The following ADGRE3 variants were observed in gnomAD, a reference collection of about 807,000 sequenced individuals.
ADGRE3 encodes the protein EGF-like module receptor 3.
ADGRE3 carries 88 observed loss-of-function variants against 80.1 expected under a neutral mutation model. The ratio of observed to expected loss-of-function variants is 1.10; its 90% CI spans 0.93 to 1.31. The LOEUF is 1.31. ADGRE3 is among the 40% of genes most tolerant of loss of function. ADGRE3 has a pLI of 0.00. For missense variants in ADGRE3, 715 were observed against 776.5 expected (o/e 0.92, Z 0.94); for synonymous variants, 281 against 294.8 (o/e 0.95, Z 0.48).
the ADGRE3 span, among the ~76,000 whole-genome samples, chr19:14,608,868 T>C: frequency 6.6e-6 from 1 of 151,568 alleles, no homozygotes; most frequent in Admixed American, 6.6e-5. Flanking sequence ...GGCACAATCT[T>C]GGCTCACTGC....
At chr19:14,661,167 C>T (rs529207553) in intron 4 of ADGRE3, among the ~76,000 whole-genome samples, 5 of 152,234 alleles carry the variant, frequency 3.3e-5, no homozygotes, top group Non-Finnish European at 5.9e-5. Context: ...GTCTTGAACT[C>T]CCGGTCTCGA....
intron 7 of ADGRE3, among the ~76,000 whole-genome samples, chr19:14,647,859 A>G (rs1390053028): frequency 6.6e-6 from 1 of 151,494 alleles, no homozygotes; most frequent in Non-Finnish European, 1.5e-5. Context: ...GGGGTGGTGG[A>G]TCACTTGAGG....
the ADGRE3 span, among the ~76,000 whole-genome samples, chr19:14,605,635 T>A: frequency 6.6e-6 from 1 of 152,212 alleles, no homozygotes; most frequent in Non-Finnish European, 1.5e-5. Context: ...ACCAGTCTAA[T>A]TTCTTTCACC....
At chr19:14,647,125 A>G (rs1599631139) in intron 8 of ADGRE3, 56 bp downstream of exon 8, 4 of 1,432,808 alleles carry the variant, frequency 2.8e-6, no homozygotes, top group East Asian at 4.5e-5. Flanking sequence ...TGATACACAC[A>G]TCGTTTGGCC....
chr19:14,620,568 ATTTT>A lies in ADGRE3; in HGVS notation c.1921-1101_1921-1098del, dbSNP rs1189295641. ...ATATATTATATATATATATATATATATTTTTTTTTTTTTTTTTTTTTTTTTTTTT... is the reference window on the plus strand; with the variant it reads ...ATATATTATATATATATATATATATATTTTTTTTTTTTTTTTTTTTTTTTT... On this transcript the variant is annotated intron_variant, in intron 15 of 15. Transcript: ENST00000253673. Among the ~76,000 whole-genome samples the A allele has an allele frequency of 5.3e-3, 59 of 11,052 alleles. 5 individuals are homozygous for A. The highest frequency in any genetic ancestry group is 0.011 in the South Asian group (3 of 268). The allele number at this position is 11,052 out of a possible 152,430, so 7.3% of individuals were successfully genotyped here.
the ADGRE3 span, among the ~76,000 whole-genome samples, chr19:14,606,569 A>G: frequency 2.0e-5 from 3 of 151,200 alleles, no homozygotes; most frequent in Non-Finnish European, 4.4e-5. Context: ...AATCCCAGCT[A>G]CTCGGGAGGT....
intron 3 of ADGRE3, among the ~76,000 whole-genome samples, chr19:14,662,434 G>A (rs1381414981): frequency 1.3e-5 from 2 of 152,188 alleles, no homozygotes; most frequent in African/African-American, 4.8e-5. Flanking sequence ...CATCCATGCT[G>A]GAGTGCAATG....
rs142735334 is a variant in ADGRE3, at chr19:14,642,531, G to C, written c.1051-915C>G. On this transcript the variant is annotated intron_variant, in intron 9 of 15. Coordinates refer to ENST00000253673, the MANE Select transcript of ADGRE3 (RefSeq NM_032571.5). ...TTGTACAGATTATTTCATCACCCAG[G>C]TATTAAGCTTAGTACCCATTAGTTA... Among the ~76,000 whole-genome samples the C allele has an allele frequency of 5.9e-5, 9 of 152,176 alleles. No individual in the cohort carries two copies. In the East Asian group the frequency reaches 1.7e-3, roughly 29 times the overall value.
At chr19:14,668,574 G>C in intron 2 of ADGRE3, 1 of 544,624 alleles carries the variant, frequency 1.8e-6, no homozygotes, top group Non-Finnish European at 3.3e-6. Context: ...TGTACTCACT[G>C]TGGTTAGCAA....
At chr19:14,650,642 TCTCTCTCTCTCTC>T (rs1568490885) in intron 7 of ADGRE3, among the ~76,000 whole-genome samples, 4,862 of 87,318 alleles carry the variant, frequency 0.056, 318 homozygotes, top group African/African-American at 0.13. Context: ...TCTCTCTCTC[TCTCTCTCTCTCTC>T]TCTCTCTCTC....
rs547406007 is a variant in ADGRE3, at chr19:14,651,960, TGAACCG to T, written c.578-762_578-757del. ...GGGAGGCTGAGGCACGAGAATAGTT[TGAACCG>T]GGGAGGCAGAGGTTGCAGTGAGCTG... On this transcript the variant is annotated intron_variant, in intron 6 of 15. Transcript: ENST00000253673. Among the ~76,000 whole-genome samples, 646 of 152,224 alleles carry T rather than the reference TGAACCG, an allele frequency of 4.2e-3. 8 individuals are homozygous for T. The highest frequency in any genetic ancestry group is 0.015 in the African/African-American group (623 of 41,512).
At chr19:14,641,673 C>T in intron 9 of ADGRE3, 57 bp from the exon 10 acceptor site, 1 of 1,583,664 alleles carries the variant, frequency 6.3e-7, no homozygotes, top group Non-Finnish European at 8.6e-7. Context: ...ATTATGGCTC[C>T]CTCCTTGAAC....
chr19:14,664,793 C>G (rs115104162), intron 2 of ADGRE3, among the ~76,000 whole-genome samples: 2,292 of 151,916 alleles, frequency 0.015, 64 homozygotes, highest in African/African-American at 0.051. Flanking sequence ...GGTATTTTTT[C>G]TTTAGGCTTC....
chr19:14,658,044 C>T (rs1339938004), intron 5 of ADGRE3, among the ~76,000 whole-genome samples: 5 of 152,156 alleles, frequency 3.3e-5, no homozygotes, highest in East Asian at 1.9e-4. Flanking sequence ...GGATTACAGG[C>T]GTGAGCCACC....
chr19:14,662,053 C>G lies in ADGRE3; in HGVS notation c.265G>C (p.Glu89Gln), dbSNP rs61729085. The change falls in exon 4 of 16, where the codon GAA becomes CAA. Residue 89 changes from glutamate to glutamine, a missense_variant. Transcript: ENST00000253673. Reference sequence around the variant, plus strand: ...ACACATTGACAGTAGAAACTTCCTTCGACATTGTAACACACAGCGTTAAAT... The same window carrying G: ...ACACATTGACAGTAGAAACTTCCTTGGACATTGTAACACACAGCGTTAAAT... The part of the protein sequence containing the change: ...CGFNAVCYNV[E>Q]GSFYCQCVPG... The G allele has an allele frequency of 4.3e-6, 7 of 1,614,052 alleles. No homozygotes were observed. Among genetic ancestry groups the G allele is most frequent in the Non-Finnish European group, 5.9e-6 (7 of 1,179,914 alleles).
intron 11 of ADGRE3, among the ~76,000 whole-genome samples, chr19:14,636,057 C>CTTCCTTCCCT (rs1555755759): frequency 1.6e-5 from 1 of 63,604 alleles, no homozygotes; most frequent in African/African-American, 6.1e-5. Flanking sequence ...TCCTTCCTTC[C>CTTCCTTCCCT]TTCCTTTCCT....
chr19:14,658,418 C>A, intron 5 of ADGRE3, 95 bp downstream of exon 5: 1 of 745,606 alleles, frequency 1.3e-6, no homozygotes, highest in Non-Finnish European at 2.0e-6. Flanking sequence ...ATATTTTGCC[C>A]TAAATCCATC....
At chr19:14,607,127 C>T in the ADGRE3 span, 5 of 1,142,486 alleles carry the variant, frequency 4.4e-6, no homozygotes, top group Non-Finnish European at 5.6e-6. Context: ...TTCCTGGGGT[C>T]TCTCTGCTTC....
chr19:14,668,891 A>G, intron 1 of ADGRE3, 39 bp from the exon 2 acceptor site: 1 of 1,586,672 alleles, frequency 6.3e-7, no homozygotes, highest in Non-Finnish European at 8.7e-7. Flanking sequence ...GACATGAAAC[A>G]ATTGAGGAGA....
Sources: gnomAD v4.1 joint callset for allele counts (sites outside exome capture counted in the v4.1 genomes callset) on GRCh38, gnomAD v4.1.1 for gene constraint, MANE v1.5 for transcripts, NCBI Gene and HGNC (gene_info 2026-07-23, HGNC 2026-07-21) for gene names.